Variants in KIAA1328 observed in about 807,000 individuals in gnomAD.
KIAA1328 encodes KIAA1328, also known as protein hinderin.
A neutral mutation model predicts 68.1 loss-of-function variants in KIAA1328; 52 were observed. That is an observed-to-expected ratio of 0.76 (90% CI 0.61 to 0.96). The LOEUF (loss-of-function observed/expected upper bound fraction) is 0.96. Among genes scored for constraint, KIAA1328 ranks in the 40% least tolerant of loss-of-function variants. The pLI is 0.00. For missense variants in KIAA1328, 641 were observed against 677.6 expected (o/e 0.95, Z 0.60); for synonymous variants, 232 against 239.4 (o/e 0.97, Z 0.28).
chr18:36,952,663 C>CA (rs1290457361), intron 5 of KIAA1328, among the ~76,000 whole-genome samples: 1 of 152,152 alleles, frequency 6.6e-6, no homozygotes, highest in African/African-American at 2.4e-5. Context: ...TGCCTTTGTA[C>CA]GTCTTATGCC....
At chr18:36,939,698 A>G (rs1415100869) in intron 5 of KIAA1328, among the ~76,000 whole-genome samples, 1 of 152,150 alleles carries the variant, frequency 6.6e-6, no homozygotes, top group Non-Finnish European at 1.5e-5. Flanking sequence ...TTAACTTTTC[A>G]CCATTGAGTA....
chr18:36,989,914 C>G (rs1415657969), intron 6 of KIAA1328, among the ~76,000 whole-genome samples: 1 of 152,030 alleles, frequency 6.6e-6, no homozygotes, highest in Non-Finnish European at 1.5e-5. Context: ...AGGATGGTCT[C>G]GATCTCCTGA....
intron 5 of KIAA1328, among the ~76,000 whole-genome samples, chr18:36,942,048 G>A (rs144043960): frequency 2.1e-3 from 316 of 152,304 alleles, no homozygotes; most frequent in African/African-American, 7.5e-3. Flanking sequence ...GCTTGTGGAA[G>A]TTAATATTGA....
At chr18:37,035,118 G>A (rs976241144) in intron 6 of KIAA1328, among the ~76,000 whole-genome samples, 1 of 152,178 alleles carries the variant, frequency 6.6e-6, no homozygotes, top group Non-Finnish European at 1.5e-5. Flanking sequence ...CATAGGGGAG[G>A]AGGCCAGAGC....
At chr18:36,951,279 A>G (rs1192799676) in intron 5 of KIAA1328, among the ~76,000 whole-genome samples, 2 of 152,140 alleles carry the variant, frequency 1.3e-5, no homozygotes, top group Non-Finnish European at 1.5e-5. Flanking sequence ...CTTTCTCCCT[A>G]AAGGAGATAG....
At chr18:37,144,265 T>C (rs774347235) in intron 7 of KIAA1328, among the ~76,000 whole-genome samples, 7 of 152,234 alleles carry the variant, frequency 4.6e-5, no homozygotes, top group Non-Finnish European at 8.8e-5. Flanking sequence ...ATACCATCTC[T>C]GATTCCTAAC....
At chr18:37,062,759 G>C (rs1246933613) in intron 6 of KIAA1328, among the ~76,000 whole-genome samples, 3 of 152,106 alleles carry the variant, frequency 2.0e-5, no homozygotes, top group African/African-American at 7.2e-5. Context: ...CCGGCCAATA[G>C]ATGCATTTTT....
intron 6 of KIAA1328, among the ~76,000 whole-genome samples, chr18:36,976,390 C>T (rs958000364): frequency 5.9e-5 from 9 of 151,928 alleles, no homozygotes; most frequent in Non-Finnish European, 1.2e-4. Flanking sequence ...ATGTTTTTAC[C>T]TTGCTGAATA....
At chr18:37,106,728 T>C (rs2057787294) in intron 7 of KIAA1328, among the ~76,000 whole-genome samples, 1 of 152,180 alleles carries the variant, frequency 6.6e-6, no homozygotes, top group Non-Finnish European at 1.5e-5. Flanking sequence ...TCACTCTAAA[T>C]GGGTGAATTT....
intron 6 of KIAA1328, among the ~76,000 whole-genome samples, chr18:37,004,128 T>C (rs1022476944): frequency 6.6e-6 from 1 of 152,098 alleles, no homozygotes; most frequent in African/African-American, 2.4e-5. Flanking sequence ...TGAAGAATGA[T>C]GGTGGTGTTT....
At chr18:37,074,829 G>A (rs1181614327) in intron 7 of KIAA1328, 1 of 152,588 alleles carries the variant, frequency 6.6e-6, no homozygotes, top group Non-Finnish European at 1.5e-5. Flanking sequence ...TCCGTTGCTG[G>A]TGAGGAGCTG....
intron 9 of KIAA1328, among the ~76,000 whole-genome samples, chr18:37,220,063 A>G (rs181632731): frequency 1.1e-4 from 16 of 152,370 alleles, no homozygotes; most frequent in Admixed American, 1.0e-3. Context: ...GGCTGTGCCA[A>G]CATTTGCATA....
At chr18:37,095,741 A>G (rs1250670771) in intron 7 of KIAA1328, among the ~76,000 whole-genome samples, 1 of 134,120 alleles carries the variant, frequency 7.5e-6, no homozygotes, top group Non-Finnish European at 1.5e-5. Flanking sequence ...TGAAGTTGAT[A>G]AACCACTAAC....
In KIAA1328 at chr18:37,080,063, TTCAC is replaced by T. The variant is rs2056898136; in HGVS notation, c.1232+12519_1232+12522del. 2.0e-5 allele frequency among the ~76,000 whole-genome samples: 3 copies of T among 152,310 alleles called. No homozygotes were observed. The South Asian group carries it at 6.2e-4, about 32-fold the overall frequency. Reference sequence around the variant, plus strand: ...TAAGAAAGCAAGATGACCAGGAAGGTTCACAGTATACTCTGGTGGTAGGCAGAGA... The same window carrying T: ...TAAGAAAGCAAGATGACCAGGAAGGTAGTATACTCTGGTGGTAGGCAGAGA... On this transcript the variant is annotated intron_variant, in intron 7 of 9. Transcript: ENST00000280020.
chr18:36,914,384 C>G lies in KIAA1328; in HGVS notation c.448+28712C>G, dbSNP rs187743723. ...AAAAACCTCAAGGAATTTTATAAAA[C>G]AAAAATAAGAAAACCTCCCAGAAGT... On this transcript the variant is annotated intron_variant, in intron 5 of 9. Coordinates refer to ENST00000280020, the MANE Select transcript of KIAA1328 (RefSeq NM_020776.3). Among the ~76,000 whole-genome samples the G allele has an allele frequency of 2.1e-3, 313 of 152,172 alleles. 4 individuals carry two copies. The highest frequency in any genetic ancestry group is 5.0e-4 in the Non-Finnish European group (34 of 67,982).
chr18:36,869,341 C>G (rs2047864680), intron 4 of KIAA1328, among the ~76,000 whole-genome samples: 1 of 152,116 alleles, frequency 6.6e-6, no homozygotes, highest in African/African-American at 2.4e-5. Flanking sequence ...ACCCTACCTC[C>G]TAAAAGAAGT....
At chr18:36,913,479 TACACACACACACACACACACAC>T (rs10582262) in intron 5 of KIAA1328, among the ~76,000 whole-genome samples, 27 of 91,362 alleles carry the variant, frequency 3.0e-4, no homozygotes, top group African/African-American at 9.8e-4. Flanking sequence ...ATTACAACCT[TACACACACACACACACACACAC>T]ACACACACAC....
chr18:37,020,562 T>G (rs2054309674), intron 6 of KIAA1328, among the ~76,000 whole-genome samples: 1 of 152,230 alleles, frequency 6.6e-6, no homozygotes, highest in Non-Finnish European at 1.5e-5. Flanking sequence ...TTCAGAATGG[T>G]AAACAGTATG....
chr18:36,895,857 A>C (rs1190308434), intron 5 of KIAA1328: 1 of 452,554 alleles, frequency 2.2e-6, no homozygotes, highest in Admixed American at 2.4e-5. Flanking sequence ...TCTCTCTGTC[A>C]CACACCACAC....
Sources: allele counts gnomAD v4.1 joint callset (sites outside exome capture counted in the v4.1 genomes callset), GRCh38; gene constraint gnomAD v4.1.1; transcripts MANE v1.5; gene names NCBI Gene and HGNC (gene_info 2026-07-23, HGNC 2026-07-21).